Variants in PCDH15 observed in about 807,000 individuals in gnomAD.
PCDH15 encodes protocadherin-15.
In PCDH15, 129 loss-of-function variants were observed where a neutral mutation model predicts 178.5. That is an observed-to-expected ratio of 0.72 (90% CI 0.63 to 0.84). The LOEUF (loss-of-function observed/expected upper bound fraction) is 0.84, where lower values mean the gene tolerates loss of function less well. PCDH15 is among the 40% of genes least tolerant of loss of function. The pLI is 0.00. For missense variants in PCDH15, 2,230 were observed against 2,099.9 expected (o/e 1.06, Z -1.21); for synonymous variants, 800 against 732.0 (o/e 1.09, Z -1.50).
chr10:54,811,736 T>C (rs1030433382), intron 3 of PCDH15, among the ~76,000 whole-genome samples: 10 of 152,160 alleles, frequency 6.6e-5, no homozygotes, highest in Admixed American at 5.9e-4. Context: ...CCCAAACTGC[T>C]GGGATTACAG....
rs1840830079 is a variant in PCDH15 at position 55,220,176 on chromosome 10, T to A, written c.-155-53525A>T. On this transcript the variant is annotated intron_variant, in intron 1 of 5. Coordinates refer to the PCDH15 transcript ENST00000458638. ...TATTGATCACCCTATTGGTGACTTATCATAATGGTACCAAACATTGCAGTG... is the reference window on the plus strand; with the variant it reads ...TATTGATCACCCTATTGGTGACTTAACATAATGGTACCAAACATTGCAGTG... 2.0e-5 allele frequency among the ~76,000 whole-genome samples: 3 copies of A among 152,148 alleles called. No homozygotes were observed. In the South Asian group the frequency reaches 6.2e-4, roughly 32 times the overall value.
At chr10:53,963,903 A>G (rs1461058947) in intron 21 of PCDH15, among the ~76,000 whole-genome samples, 1 of 152,030 alleles carries the variant, frequency 6.6e-6, no homozygotes, top group Non-Finnish European at 1.5e-5. Flanking sequence ...TCCTGCTTAA[A>G]CCCTTCCAAT....
intron 3 of PCDH15, among the ~76,000 whole-genome samples, chr10:54,445,137 A>G (rs1218216364): frequency 6.6e-6 from 1 of 151,014 alleles, no homozygotes; most frequent in East Asian, 2.0e-4. Flanking sequence ...TCTGAGTCAA[A>G]GCCCTTGACT....
intron 13 of PCDH15, among the ~76,000 whole-genome samples, chr10:54,157,636 T>C (rs1312894824): frequency 3.3e-5 from 5 of 152,236 alleles, no homozygotes; most frequent in African/African-American, 4.8e-5. Flanking sequence ...ATTCAGCTTC[T>C]TGTTACTTAT....
chr10:53,983,232 TTGTGTGTG>T (rs753844738), intron 21 of PCDH15, among the ~76,000 whole-genome samples: 2 of 149,154 alleles, frequency 1.3e-5, no homozygotes, highest in Admixed American at 6.7e-5. Flanking sequence ...GTGTGTGTGT[TTGTGTGTG>T]TGTGTGTGTG....
chr10:55,267,992 T>C lies in PCDH15; in HGVS notation c.-156+51607A>G, dbSNP rs1183086856. Among the ~76,000 whole-genome samples, 3 of 152,300 alleles carry C rather than the reference T, an allele frequency of 2.0e-5. No individual in the cohort carries two copies. In the East Asian group the frequency reaches 5.8e-4, roughly 29 times the overall value. ...CCTTTTTATTGTGTCTGAAATTGAT[T>C]ATGGAACAACTGAATAACTATGTGC... On this transcript the variant is annotated intron_variant, in intron 1 of 5. Coordinates refer to the PCDH15 transcript ENST00000458638.
chr10:54,669,435 A>T (rs1037563320), intron 1 of PCDH15, among the ~76,000 whole-genome samples: 31 of 151,190 alleles, frequency 2.1e-4, no homozygotes, highest in African/African-American at 7.5e-4. Context: ...TTTATATATA[A>T]AATTATGTTA....
At chr10:55,071,980 C>T (rs934901716) in intron 2 of PCDH15, among the ~76,000 whole-genome samples, 2 of 151,688 alleles carry the variant, frequency 1.3e-5, no homozygotes, top group Non-Finnish European at 2.9e-5. Flanking sequence ...AACTGAACAA[C>T]CTGCTCCTGA....
intron 2 of PCDH15, among the ~76,000 whole-genome samples, chr10:54,965,428 T>G (rs1051463347): frequency 1.3e-5 from 2 of 152,076 alleles, no homozygotes; most frequent in African/African-American, 4.8e-5. Context: ...TTCTGCCTGC[T>G]TCCATGTAAG....
Position 54,305,772 on chromosome 10 carries a change from G to GA in PCDH15, c.876+11498dup, listed in dbSNP as rs535904821. ...CTTTTTTAAGGAGGCATATATGAGG[G>GA]AAAATCTAAATAACTAAAGGAGCCA... On this transcript the variant is annotated intron_variant, in intron 8 of 37. Coordinates refer to ENST00000644397, the MANE Select transcript of PCDH15 (RefSeq NM_001384140.1). Among the ~76,000 whole-genome samples the GA allele has an allele frequency of 4.7e-4, 72 of 151,608 alleles. No homozygotes were observed. In the South Asian group the frequency reaches 4.8e-3, roughly 10 times the overall value.
Position 53,821,728 on chromosome 10 carries a change from G to A in PCDH15, c.4368-1498C>T, listed in dbSNP as rs541712536. The A allele has an allele frequency of 1.7e-4, 253 of 1,511,980 alleles. 2 individuals are homozygous for A. The African/African-American group carries it at 2.9e-3, about 17-fold the overall frequency. The allele number at this position is 1,511,980 out of a possible 1,614,324, so 93.7% of individuals were successfully genotyped here. A position where few individuals can be genotyped will look rare whatever the true frequency, so the allele number is the denominator to read the frequency against. On this transcript the variant is annotated intron_variant, in intron 32 of 37. Coordinates refer to ENST00000644397, the MANE Select transcript of PCDH15 (RefSeq NM_001384140.1). ...GTTAATATCTTTTTAAATTAAAAACGAGAAAAAAAACTGCATTTCATTGAA... is the reference window on the plus strand; with the variant it reads ...GTTAATATCTTTTTAAATTAAAAACAAGAAAAAAAACTGCATTTCATTGAA...
intron 2 of PCDH15, among the ~76,000 whole-genome samples, chr10:55,013,948 G>C (rs950794679): frequency 6.6e-6 from 1 of 151,872 alleles, no homozygotes; most frequent in Admixed American, 6.6e-5. Context: ...GAATCTTCTA[G>C]TCTCTATGAA....
At chr10:53,950,117 T>G (rs1224968711) in intron 23 of PCDH15, among the ~76,000 whole-genome samples, 2 of 152,024 alleles carry the variant, frequency 1.3e-5, no homozygotes, top group Non-Finnish European at 2.9e-5. Context: ...GAAGAAGAGT[T>G]AAAGTTTTTC....
intron 1 of PCDH15, among the ~76,000 whole-genome samples, chr10:54,665,234 C>A (rs999688505): frequency 6.6e-6 from 1 of 151,956 alleles, no homozygotes; most frequent in African/African-American, 2.4e-5. Context: ...AAGAGACCAG[C>A]TGGTGCTCAA....
At chr10:54,480,001 T>G (rs1234626440) in intron 3 of PCDH15, among the ~76,000 whole-genome samples, 1 of 152,078 alleles carries the variant, frequency 6.6e-6, no homozygotes, top group African/African-American at 2.4e-5. Context: ...CGAAATATAA[T>G]TATGACTCAC....
At chr10:55,442,756 G>C (rs185952314) in intron 2 of PCDH15, among the ~76,000 whole-genome samples, 2 of 151,770 alleles carry the variant, frequency 1.3e-5, no homozygotes, top group African/African-American at 4.8e-5. Flanking sequence ...GATGCTCATT[G>C]TTCTATTCTT....
intron 1 of PCDH15, among the ~76,000 whole-genome samples, chr10:55,178,649 T>C (rs965468538): frequency 1.3e-5 from 2 of 152,154 alleles, no homozygotes; most frequent in African/African-American, 4.8e-5. Context: ...GGGGAACTTA[T>C]GGAATTATCT....
At chr10:54,754,019 A>C (rs1242355566) in intron 1 of PCDH15, among the ~76,000 whole-genome samples, 1 of 150,254 alleles carries the variant, frequency 6.7e-6, no homozygotes, top group East Asian at 2.0e-4. Context: ...TAGTAGAGAC[A>C]GGGTTTCACC....
intron 8 of PCDH15, among the ~76,000 whole-genome samples, chr10:54,293,522 G>A (rs1158135556): frequency 6.6e-6 from 1 of 152,120 alleles, no homozygotes; most frequent in Non-Finnish European, 1.5e-5. Context: ...CCATCAGAGT[G>A]AACAGGCAAC....
Sources: gnomAD v4.1 joint callset for allele counts (sites outside exome capture counted in the v4.1 genomes callset) on GRCh38, gnomAD v4.1.1 for gene constraint, MANE v1.5 for transcripts, NCBI Gene and HGNC (gene_info 2026-07-23, HGNC 2026-07-21) for gene names.